The following PCLO variants were observed in gnomAD, a reference collection of about 807,000 sequenced individuals.
PCLO encodes the protein piccolo presynaptic cytomatrix protein, also known as protein piccolo.
In PCLO, 82 loss-of-function variants were observed where a neutral mutation model predicts 427.5. That is an observed-to-expected ratio of 0.19 (90% CI 0.16 to 0.23). PCLO has a LOEUF of 0.23. Among genes scored for constraint, PCLO ranks in the 10% least tolerant of loss-of-function variants. PCLO has a pLI of 1.00. For synonymous variants in PCLO, 2,357 were observed against 2,155.4 expected (o/e 1.09, Z -2.59); for missense variants, 6,239 against 6,115.9 (o/e 1.02, Z -0.67).
In PCLO at chr7:82,890,679, A is replaced by G. The variant is rs114418333; in HGVS notation, c.13529-11217T>C. On this transcript the variant is annotated intron_variant, in intron 9 of 24. Transcript: ENST00000333891. The stretch of plus-strand genomic sequence containing the variant: ...TTAAAACTAATCCGCTAATCACAAT[A>G]TTATATCTTTGAGAACTATCAATAG... Among the ~76,000 whole-genome samples the G allele has an allele frequency of 8.0e-3, 1,211 of 152,092 alleles. 22 individuals carry two copies. The highest frequency in any genetic ancestry group is 0.026 in the African/African-American group (1,096 of 41,540).
At chr7:82,898,802 A>G (rs1793967855) in intron 9 of PCLO, among the ~76,000 whole-genome samples, 1 of 151,516 alleles carries the variant, frequency 6.6e-6, no homozygotes, top group African/African-American at 2.4e-5. Flanking sequence ...ATATAAGACT[A>G]CAATAAAATC....
chr7:82,775,656 A>T (rs1351605034), intron 22 of PCLO, among the ~76,000 whole-genome samples: 1 of 152,058 alleles, frequency 6.6e-6, no homozygotes, highest in East Asian at 1.9e-4. Context: ...TTTTTCCCAG[A>T]TTGTGGGGCT....
At chr7:83,068,237 T>A (rs947923811) in intron 3 of PCLO, among the ~76,000 whole-genome samples, 5 of 151,532 alleles carry the variant, frequency 3.3e-5, no homozygotes, top group African/African-American at 9.7e-5. Flanking sequence ...AGAATGAGAG[T>A]CTGCAGCATA....
chr7:82,991,016 A>T (rs1292852476), intron 3 of PCLO, among the ~76,000 whole-genome samples: 1 of 152,174 alleles, frequency 6.6e-6, no homozygotes, highest in East Asian at 1.9e-4. Context: ...TTCAGTAAAA[A>T]GTAGTCATTT....
intron 3 of PCLO, among the ~76,000 whole-genome samples, chr7:83,014,880 C>T (rs1449754793): frequency 6.6e-6 from 1 of 152,146 alleles, no homozygotes; most frequent in Non-Finnish European, 1.5e-5. Context: ...GGAATATGTA[C>T]TCCCTTTTTT....
At chr7:82,863,139 C>G (rs565373845) in intron 10 of PCLO, among the ~76,000 whole-genome samples, 1 of 151,830 alleles carries the variant, frequency 6.6e-6, no homozygotes, top group Admixed American at 6.6e-5. Flanking sequence ...TACTATTTAT[C>G]CAAAAAATTA....
intron 18 of PCLO, among the ~76,000 whole-genome samples, chr7:82,825,987 C>A (rs1293612223): frequency 6.7e-6 from 1 of 149,410 alleles, no homozygotes; most frequent in African/African-American, 2.4e-5. Context: ...AAGATCTGTT[C>A]ATGCTACCAA....
At chr7:83,050,237 A>AAC (rs1789211106) in intron 3 of PCLO, among the ~76,000 whole-genome samples, 1 of 79,698 alleles carries the variant, frequency 1.3e-5, no homozygotes, top group African/African-American at 5.5e-5. Flanking sequence ...AAAAAAAAAA[A>AAC]CACAAGCAAA....
chr7:82,892,532 C>T (rs1221012242), intron 9 of PCLO, among the ~76,000 whole-genome samples: 2 of 152,070 alleles, frequency 1.3e-5, no homozygotes, highest in Admixed American at 6.6e-5. Context: ...GACTTCATGT[C>T]TAAAACACCA....
chr7:83,104,854 C>T lies in PCLO; in HGVS notation c.3300+29396G>A, dbSNP rs139320250. On this transcript the variant is annotated intron_variant, in intron 3 of 24. Transcript: ENST00000333891. ...AAAGTCTTCTAAGTCTTGGGCACTG[C>T]CCTCAGCCTTCTCAGTAACATGAAA... Among the ~76,000 whole-genome samples, 596 of 152,200 alleles carry T rather than the reference C, an allele frequency of 3.9e-3. 8 individuals carry two copies. The highest frequency in any genetic ancestry group is 0.014 in the African/African-American group (570 of 41,534).
chr7:82,809,792 T>A (rs982525758), intron 20 of PCLO, among the ~76,000 whole-genome samples: 2 of 150,286 alleles, frequency 1.3e-5, no homozygotes, highest in African/African-American at 4.9e-5. Flanking sequence ...TAGGGAGTCA[T>A]TTTTTTTAGC....
intron 3 of PCLO, among the ~76,000 whole-genome samples, chr7:82,999,177 A>G (rs1333556609): frequency 6.8e-6 from 1 of 146,780 alleles, no homozygotes; most frequent in Non-Finnish European, 1.5e-5. Context: ...AAAAAACAAC[A>G]GAATAGAATA....
At chr7:82,929,292 A>C (rs1026816200) in intron 6 of PCLO, among the ~76,000 whole-genome samples, 8 of 152,308 alleles carry the variant, frequency 5.3e-5, no homozygotes, top group African/African-American at 1.7e-4. Flanking sequence ...TTAATCTCTA[A>C]TACAACCTTA....
At chr7:83,127,271 T>A (rs79772193) in intron 3 of PCLO, among the ~76,000 whole-genome samples, 2,732 of 152,058 alleles carry the variant, frequency 0.018, 89 homozygotes, top group African/African-American at 0.063. Context: ...TGAAAAAAAA[T>A]CAATGAAAAT....
chr7:82,911,896 C>T (rs1223703221), intron 7 of PCLO, among the ~76,000 whole-genome samples: 2 of 152,164 alleles, frequency 1.3e-5, no homozygotes, highest in African/African-American at 4.8e-5. Flanking sequence ...GCTGGAATTA[C>T]AGGCGTGAGC....
chr7:82,858,236 T>C (rs1458534703), intron 10 of PCLO, among the ~76,000 whole-genome samples: 1 of 152,060 alleles, frequency 6.6e-6, no homozygotes, highest in Non-Finnish European at 1.5e-5. Flanking sequence ...TCTCAATAAA[T>C]GTAGAAAAAG....
chr7:82,809,166 G>A (rs1243370157), intron 20 of PCLO, among the ~76,000 whole-genome samples: 7 of 151,726 alleles, frequency 4.6e-5, no homozygotes, highest in Admixed American at 4.6e-4. Flanking sequence ...TCTGAGGCTG[G>A]ATCTTAGGTA....
intron 13 of PCLO, among the ~76,000 whole-genome samples, chr7:82,842,247 G>C (rs139703731): frequency 1.3e-5 from 2 of 152,174 alleles, no homozygotes; most frequent in East Asian, 3.9e-4. Context: ...TTCATTTACA[G>C]TCAATTGACT....
At chr7:82,880,905 G>C (rs1239575304) in intron 9 of PCLO, among the ~76,000 whole-genome samples, 2 of 152,056 alleles carry the variant, frequency 1.3e-5, no homozygotes, top group Non-Finnish European at 2.9e-5. Flanking sequence ...GTAACAAATG[G>C]GTTACAAACA....
Sources: allele counts gnomAD v4.1 joint callset (sites outside exome capture counted in the v4.1 genomes callset), GRCh38; gene constraint gnomAD v4.1.1; transcripts MANE v1.5; gene names NCBI Gene and HGNC (gene_info 2026-07-23, HGNC 2026-07-21).